The following GALNT17 variants were observed in gnomAD, a reference collection of about 807,000 sequenced individuals.
GALNT17 encodes the protein polypeptide N-acetylgalactosaminyltransferase 17.
In GALNT17, 29 loss-of-function variants were observed where a neutral mutation model predicts 63.7. The ratio of observed to expected loss-of-function variants is 0.46; its 90% confidence interval spans 0.34 to 0.62. The LOEUF (loss-of-function observed/expected upper bound fraction) is 0.62. Among genes scored for constraint, GALNT17 ranks in the 20% least tolerant of loss-of-function variants. The pLI, the probability that GALNT17 is intolerant of heterozygous loss-of-function variation, is 0.01. For synonymous variants in GALNT17, 305 were observed against 318.3 expected, an observed-to-expected ratio of 0.96 and a Z score of 0.45; for missense variants, 603 against 799.6, an observed-to-expected ratio of 0.75 and a Z score of 2.97.
At chr7:71,473,270 A>T (rs1787671168) in intron 5 of GALNT17, among the ~76,000 whole-genome samples, 1 of 152,178 alleles carries the variant, frequency 6.6e-6, no homozygotes, top group African/African-American at 2.4e-5. Flanking sequence ...CTTCAGAGAG[A>T]ATAGATGTTA....
intron 5 of GALNT17, among the ~76,000 whole-genome samples, chr7:71,493,102 G>A (rs1584000373): frequency 6.6e-6 from 1 of 152,234 alleles, no homozygotes; most frequent in Non-Finnish European, 1.5e-5. Flanking sequence ...GTAGTAGACT[G>A]TCAGGCTGGG....
chr7:71,351,571 G>T (rs1347995129), intron 2 of GALNT17, among the ~76,000 whole-genome samples: 1 of 151,978 alleles, frequency 6.6e-6, no homozygotes, highest in African/African-American at 2.4e-5. Flanking sequence ...AAGGAAGGAG[G>T]CCAAGTGAAG....
At chr7:71,499,125 A>G (rs893733392) in intron 5 of GALNT17, among the ~76,000 whole-genome samples, 5 of 151,920 alleles carry the variant, frequency 3.3e-5, no homozygotes, top group Admixed American at 1.3e-4. Flanking sequence ...AAATCTCCAT[A>G]CCTCATGTCC....
At chr7:71,446,454 T>G (rs1007625884) in intron 5 of GALNT17, among the ~76,000 whole-genome samples, 2 of 152,248 alleles carry the variant, frequency 1.3e-5, no homozygotes, top group African/African-American at 2.4e-5. Context: ...ATGTAAAATT[T>G]ATATTTTCAT....
chr7:71,340,356 C>A (rs1791987101), intron 2 of GALNT17, among the ~76,000 whole-genome samples: 1 of 152,122 alleles, frequency 6.6e-6, no homozygotes, highest in African/African-American at 2.4e-5. Context: ...GATGACTTCC[C>A]AGCTCCATTA....
intron 1 of GALNT17, among the ~76,000 whole-genome samples, chr7:71,321,110 C>G (rs925093983): frequency 2.0e-5 from 3 of 152,174 alleles, no homozygotes; most frequent in African/African-American, 4.8e-5. Context: ...TGTACAGTGT[C>G]AAGCACACAT....
intron 1 of GALNT17, among the ~76,000 whole-genome samples, chr7:71,240,578 G>A (rs1232046115): frequency 6.6e-6 from 1 of 152,142 alleles, no homozygotes; most frequent in Non-Finnish European, 1.5e-5. Context: ...GCCTCCAGCT[G>A]CATCCAGGTT....
chr7:71,636,958 C>G (rs1790535829), intron 6 of GALNT17, among the ~76,000 whole-genome samples: 1 of 152,026 alleles, frequency 6.6e-6, no homozygotes, highest in South Asian at 2.1e-4. Flanking sequence ...TGCAGATGGC[C>G]AGGATTCAAA....
chr7:71,181,358 G>A (rs1788732505), intron 1 of GALNT17, among the ~76,000 whole-genome samples: 2 of 152,102 alleles, frequency 1.3e-5, no homozygotes, highest in South Asian at 4.1e-4. Context: ...AAGAGGAACT[G>A]AGAGGAAATA....
intron 1 of GALNT17, among the ~76,000 whole-genome samples, chr7:71,136,560 G>A (rs763925430): frequency 2.6e-5 from 4 of 151,338 alleles, no homozygotes; most frequent in East Asian, 2.0e-4. Context: ...ATCTCCGCTC[G>A]CTGCAGTCTC....
At chr7:71,632,543 G>A (rs1458419138) in intron 6 of GALNT17, among the ~76,000 whole-genome samples, 2 of 152,178 alleles carry the variant, frequency 1.3e-5, no homozygotes, top group African/African-American at 4.8e-5. Flanking sequence ...AGCACTTTCA[G>A]CCGAGCTGAA....
chr7:71,678,179 C>T (rs1791180975), intron 9 of GALNT17, among the ~76,000 whole-genome samples: 1 of 151,748 alleles, frequency 6.6e-6, no homozygotes, highest in African/African-American at 2.4e-5. Flanking sequence ...AACTGGAATG[C>T]AGTGCCACAA....
In GALNT17 at chr7:71,195,760, G is replaced by C. The variant is rs907841366; in HGVS notation, c.238+62720G>C. Among the ~76,000 whole-genome samples, 20 of 151,894 alleles carry C rather than the reference G, an allele frequency of 1.3e-4. 1 individual carries two copies. The highest frequency in any genetic ancestry group is 4.8e-4 in the African/African-American group (20 of 41,354). ...GATAGAGTCTTGCTGTGTTGCCCAG[G>C]CTCATCTGGAACTCCTAAGCTCAAG... On this transcript the variant is annotated intron_variant, in intron 1 of 10. Coordinates refer to ENST00000333538, the MANE Select transcript of GALNT17 (RefSeq NM_022479.3).
intron 9 of GALNT17, among the ~76,000 whole-genome samples, chr7:71,710,084 T>C (rs1251004989): frequency 2.6e-5 from 4 of 152,168 alleles, no homozygotes; most frequent in Non-Finnish European, 5.9e-5. Flanking sequence ...AGGTTACTTG[T>C]TCAAGGTGGC....
intron 1 of GALNT17, among the ~76,000 whole-genome samples, chr7:71,157,564 A>C (rs1398144454): frequency 6.6e-6 from 1 of 151,752 alleles, no homozygotes; most frequent in Non-Finnish European, 1.5e-5. Context: ...AGACTGAGGC[A>C]AGAGAATTGC....
rs115538250 is a variant in GALNT17, at chr7:71,274,687, A to G, written c.239-60863A>G. ...ATGAAAATAGTTCAAAATACATTAA[A>G]AGATGCCCCCTGGCTGATTTTGGCA... is the stretch of plus-strand genomic sequence containing the variant. On this transcript the variant is annotated intron_variant, in intron 1 of 10. Transcript: ENST00000333538. Among the ~76,000 whole-genome samples the G allele has an allele frequency of 3.5e-3, 528 of 152,308 alleles. 2 individuals carry two copies. Among genetic ancestry groups the G allele is most frequent in the African/African-American group, 0.012 (501 of 41,570 alleles).
chr7:71,177,443 G>A (rs963944769), intron 1 of GALNT17, among the ~76,000 whole-genome samples: 2 of 152,090 alleles, frequency 1.3e-5, no homozygotes, highest in African/African-American at 4.8e-5. Flanking sequence ...TGAAAACCAT[G>A]GCTGAAAATC....
chr7:71,412,923 G>A (rs886634977), intron 3 of GALNT17, among the ~76,000 whole-genome samples: 4 of 152,094 alleles, frequency 2.6e-5, no homozygotes, highest in Non-Finnish European at 5.9e-5. Flanking sequence ...GGCACCTGTA[G>A]TCCCAGCTAC....
At chr7:71,424,717 CCTT>C (rs1786727266) in intron 5 of GALNT17, among the ~76,000 whole-genome samples, 1 of 152,100 alleles carries the variant, frequency 6.6e-6, no homozygotes, top group African/African-American at 2.4e-5. Context: ...TTTTTATGGT[CCTT>C]CTGAAATTAT....
Sources: gnomAD v4.1 joint callset for allele counts (sites outside exome capture counted in the v4.1 genomes callset) on GRCh38, gnomAD v4.1.1 for gene constraint, MANE v1.5 for transcripts, NCBI Gene and HGNC (gene_info 2026-07-23, HGNC 2026-07-21) for gene names.